BFSP2: variants seen among roughly 807,000 people sequenced by gnomAD.
BFSP2 encodes the protein phakinin.
Under a neutral mutation model 44.9 loss-of-function variants are expected in BFSP2, and 38 were observed. The ratio of observed to expected loss-of-function variants is 0.85; its 90% CI spans 0.65 to 1.11. The LOEUF (loss-of-function observed/expected upper bound fraction) is 1.11, where lower values mean the gene tolerates loss of function less well. Among genes scored for constraint, BFSP2 ranks in the 50% least tolerant of loss-of-function variants. BFSP2 has a pLI of 0.00. For synonymous variants in BFSP2, 197 were observed against 209.9 expected, an observed-to-expected ratio of 0.94 and a Z score of 0.53; for missense variants, 525 against 533.0, an observed-to-expected ratio of 0.99 and a Z score of 0.15.
At chr3:133,458,859 A>G (rs2074036795) in intron 4 of BFSP2, among the ~76,000 whole-genome samples, 1 of 152,092 alleles carries the variant, frequency 6.6e-6, no homozygotes, top group Non-Finnish European at 1.5e-5. Flanking sequence ...TACATCTTCT[A>G]CCAAGGAATC....
At chr3:133,444,011 T>C (rs1404945523) in intron 1 of BFSP2, among the ~76,000 whole-genome samples, 2 of 152,006 alleles carry the variant, frequency 1.3e-5, no homozygotes, top group Non-Finnish European at 2.9e-5. Context: ...AGTAGTATTA[T>C]AGAAAGAGAT....
intron 4 of BFSP2, among the ~76,000 whole-genome samples, chr3:133,463,331 T>C (rs2074081194): frequency 6.6e-6 from 1 of 151,666 alleles, no homozygotes; most frequent in Non-Finnish European, 1.5e-5. Context: ...AACAAAAAAC[T>C]CTAGAGCAGA....
intron 1 of BFSP2, among the ~76,000 whole-genome samples, chr3:133,426,007 A>AG (rs1553779165): frequency 0.019 from 44 of 2,272 alleles, 16 homozygotes; most frequent in East Asian, 0.032. Flanking sequence ...GGGCAGGGAA[A>AG]GGAAGGGAAG....
chr3:133,422,172 G>A (rs1576567343), intron 1 of BFSP2, among the ~76,000 whole-genome samples: 3 of 149,750 alleles, frequency 2.0e-5, no homozygotes, highest in Non-Finnish European at 4.4e-5. Flanking sequence ...GGTCCAGAAA[G>A]GAAAGCTGTA....
At chr3:133,448,875 G>A (rs1002734833) in intron 3 of BFSP2, 5 of 560,144 alleles carry the variant, frequency 8.9e-6, no homozygotes, top group Non-Finnish European at 1.6e-5. Context: ...CAGAAACAGG[G>A]GAAGGCAGCC....
At chr3:133,410,260 C>A (rs538620151) in intron 1 of BFSP2, 51 of 353,702 alleles carry the variant, frequency 1.4e-4, no homozygotes, top group African/African-American at 8.4e-4. Context: ...ATTTCTGTCC[C>A]AGAAACAGTC....
At chr3:133,455,140 T>G (rs2074002073) in intron 4 of BFSP2, among the ~76,000 whole-genome samples, 1 of 152,214 alleles carries the variant, frequency 6.6e-6, no homozygotes. Flanking sequence ...TTTTAATAAG[T>G]AGGAGTATGC....
At chr3:133,443,149 C>G (rs909048129) in intron 1 of BFSP2, among the ~76,000 whole-genome samples, 8 of 152,102 alleles carry the variant, frequency 5.3e-5, no homozygotes, top group African/African-American at 1.9e-4. Flanking sequence ...CGTGAGCCAC[C>G]GCACCCGGCC....
At chr3:133,421,847 G>T (rs1000728460) in intron 1 of BFSP2, among the ~76,000 whole-genome samples, 1 of 152,054 alleles carries the variant, frequency 6.6e-6, no homozygotes, top group Non-Finnish European at 1.5e-5. Flanking sequence ...GGTGGCTCAC[G>T]CCCGTAATCC....
intron 1 of BFSP2, among the ~76,000 whole-genome samples, chr3:133,420,479 G>A (rs1358555551): frequency 3.3e-5 from 5 of 152,128 alleles, no homozygotes; most frequent in African/African-American, 7.2e-5. Flanking sequence ...TAGAATCACC[G>A]CGTGCCCTTG....
At chr3:133,430,803 TC>T (rs1024281260) in intron 1 of BFSP2, among the ~76,000 whole-genome samples, 1 of 151,980 alleles carries the variant, frequency 6.6e-6, no homozygotes, top group Non-Finnish European at 1.5e-5. Context: ...ATCTGACCTC[TC>T]CCCTCCTCAC....
At position 133,439,961 on chromosome 3, in the gene BFSP2, G is replaced by A. The variant is rs1019862902; in HGVS notation, c.490-7356G>A. Among the ~76,000 whole-genome samples the A allele has an allele frequency of 1.6e-4, 25 of 152,268 alleles. 1 individual carries two copies. The highest frequency in any genetic ancestry group is 9.8e-4 in the Admixed American group (15 of 15,304). On this transcript the variant is annotated intron_variant, in intron 1 of 6. Coordinates refer to ENST00000302334, the MANE Select transcript of BFSP2 (RefSeq NM_003571.4). ...GAGAGAGAGAAAGCAATGTCACAGA[G>A]GGAGTATAAGTCCATTTTCCTACTG...
chr3:133,429,309 G>A (rs1401543143), intron 1 of BFSP2: 2 of 152,228 alleles, frequency 1.3e-5, no homozygotes, highest in African/African-American at 2.4e-5. Flanking sequence ...ATTTATTTTA[G>A]GGAATTGGCT....
intron 1 of BFSP2, among the ~76,000 whole-genome samples, chr3:133,412,131 T>C (rs994751344): frequency 6.6e-6 from 1 of 152,206 alleles, no homozygotes; most frequent in African/African-American, 2.4e-5. Flanking sequence ...CTGGGATTTG[T>C]TGAAAATAAT....
At chr3:133,423,515 C>A (rs1301032379) in intron 1 of BFSP2, among the ~76,000 whole-genome samples, 1 of 147,016 alleles carries the variant, frequency 6.8e-6, no homozygotes, top group Non-Finnish European at 1.5e-5. Context: ...ACCTGCCCAG[C>A]CAACTTTTCC....
intron 1 of BFSP2, among the ~76,000 whole-genome samples, chr3:133,425,473 C>T (rs575554398): frequency 6.6e-6 from 1 of 152,324 alleles, no homozygotes; most frequent in South Asian, 2.1e-4. Flanking sequence ...GACATTCTTC[C>T]CAGCCCCTGG....
rs1409874473 is a variant in BFSP2, at chr3:133,409,070, T to G, written c.489+8498T>G. On this transcript the variant is annotated intron_variant, in intron 1 of 6. Transcript: ENST00000302334. The stretch of plus-strand genomic sequence containing the variant: ...CCAGCTATGTACCAAGTTGATAGCA[T>G]AGTCACACGAAGAAGAACTATTCCA... Among the ~76,000 whole-genome samples the G allele has an allele frequency of 2.0e-5, 3 of 152,252 alleles. No homozygotes were observed. The East Asian group carries it at 5.8e-4, about 29-fold the overall frequency.
intron 3 of BFSP2, among the ~76,000 whole-genome samples, chr3:133,450,090 G>A (rs1334294294): frequency 1.3e-5 from 2 of 151,268 alleles, no homozygotes; most frequent in African/African-American, 2.4e-5. Context: ...GGAAGGAAGG[G>A]AGGGAGAGAG....
At chr3:133,422,441 T>C (rs897058507) in intron 1 of BFSP2, among the ~76,000 whole-genome samples, 4 of 152,186 alleles carry the variant, frequency 2.6e-5, no homozygotes, top group African/African-American at 9.7e-5. Context: ...CTCCTACCTC[T>C]CTCTTCACTT....
Sources: gnomAD v4.1 joint callset for allele counts (sites outside exome capture counted in the v4.1 genomes callset) on GRCh38, gnomAD v4.1.1 for gene constraint, MANE v1.5 for transcripts, NCBI Gene and HGNC (gene_info 2026-07-23, HGNC 2026-07-21) for gene names.